ZNF704: variants seen among roughly 807,000 people sequenced by gnomAD.
ZNF704 encodes the protein glucocorticoid induced gene 1.
ZNF704 carries 10 observed loss-of-function variants against 44.7 expected under a neutral mutation model. The observed-to-expected ratio is 0.22, with a 90% CI of 0.14 to 0.38. The LOEUF (loss-of-function observed/expected upper bound fraction) is 0.38, where lower values mean the gene tolerates loss of function less well. ZNF704 is among the 10% of genes least tolerant of loss of function. The pLI is 1.00. For synonymous variants in ZNF704, 211 were observed against 207.6 expected (o/e 1.02, Z -0.14); for missense variants, 390 against 545.5 (o/e 0.71, Z 2.84).
At chr8:80,812,414 AAACTTAG>A (rs1392076881) in intron 2 of ZNF704, 1 of 159,472 alleles carries the variant, frequency 6.3e-6, no homozygotes, top group Non-Finnish European at 1.4e-5. Flanking sequence ...TTTTAGGGTG[AAACTTAG>A]AACGGAACAG....
intron 2 of ZNF704, among the ~76,000 whole-genome samples, chr8:80,811,299 A>T (rs1421115527): frequency 6.6e-6 from 1 of 152,224 alleles, no homozygotes; most frequent in African/African-American, 2.4e-5. Context: ...CATTGGGTTA[A>T]ATAATATGAG....
chr8:80,837,909 CT>C (rs1353523717), intron 1 of ZNF704, among the ~76,000 whole-genome samples: 4 of 152,150 alleles, frequency 2.6e-5, no homozygotes, highest in Admixed American at 1.3e-4. Flanking sequence ...GAACATCTAT[CT>C]TTGACTTTTC....
intron 1 of ZNF704, among the ~76,000 whole-genome samples, chr8:80,863,460 G>T (rs191667091): frequency 4.5e-4 from 69 of 152,030 alleles, no homozygotes; most frequent in African/African-American, 1.6e-3. Flanking sequence ...AAACTCTGCC[G>T]GTCTCCAAAT....
At chr8:80,767,274 AAC>A (rs1465327322) in intron 2 of ZNF704, among the ~76,000 whole-genome samples, 5 of 152,092 alleles carry the variant, frequency 3.3e-5, no homozygotes, top group African/African-American at 9.7e-5. Context: ...ATCTTATAAT[AAC>A]AGTTTATTTG....
At chr8:80,851,189 A>G (rs961892533) in intron 1 of ZNF704, among the ~76,000 whole-genome samples, 2 of 152,158 alleles carry the variant, frequency 1.3e-5, no homozygotes, top group Admixed American at 6.5e-5. Context: ...TAGAACTAGA[A>G]ATACCATTTG....
At chr8:80,669,060 G>C (rs1818238914) in intron 5 of ZNF704, among the ~76,000 whole-genome samples, 1 of 152,158 alleles carries the variant, frequency 6.6e-6, no homozygotes, top group African/African-American at 2.4e-5. Context: ...CCCACTGTGA[G>C]AGCACCCCAG....
At position 80,636,046 on chromosome 8, in the gene ZNF704, T is replaced by C. The variant is rs1817659173; in HGVS notation, c.*5320A>G. 1 of 152,198 alleles carries C rather than the reference T, an allele frequency of 6.6e-6. No individual in the cohort carries two copies. Among genetic ancestry groups the C allele is most frequent in the East Asian group, 1.9e-4 (1 of 5,202 alleles). The allele number at this position is 152,198 out of a possible 1,614,324, so 9.4% of individuals were successfully genotyped here. A position where few individuals can be genotyped will look rare whatever the true frequency, so the allele number is the denominator to read the frequency against. ...CACAAAATGTCTGCGTTCTTTGTGA[T>C]TACAAAACACTGCATCTTGTAAAAT... On this transcript the variant is annotated 3_prime_UTR_variant, in exon 9 of 9. Transcript: ENST00000327835.
chr8:80,841,260 C>A (rs1204098801), intron 1 of ZNF704, among the ~76,000 whole-genome samples: 1 of 152,220 alleles, frequency 6.6e-6, no homozygotes, highest in Non-Finnish European at 1.5e-5. Context: ...TTGGAAGAAA[C>A]CAAGTCACAC....
At chr8:80,790,485 TAC>T (rs1202298812) in intron 2 of ZNF704, among the ~76,000 whole-genome samples, 3 of 152,104 alleles carry the variant, frequency 2.0e-5, no homozygotes, top group Non-Finnish European at 4.4e-5. Flanking sequence ...CCTATGTAAA[TAC>T]ACACACACAT....
At chr8:80,769,476 TTGC>T (rs1807282942) in intron 2 of ZNF704, among the ~76,000 whole-genome samples, 1 of 152,080 alleles carries the variant, frequency 6.6e-6, no homozygotes, top group African/African-American at 2.4e-5. Flanking sequence ...CTTGAATGCT[TTGC>T]TGCTTAGAAA....
intron 7 of ZNF704, among the ~76,000 whole-genome samples, chr8:80,654,013 C>T (rs1817966919): frequency 6.6e-6 from 1 of 151,906 alleles, no homozygotes. Flanking sequence ...TGGAACAGAA[C>T]GGAGCCCTCA....
At chr8:80,760,605 G>A (rs534721668) in intron 2 of ZNF704, among the ~76,000 whole-genome samples, 3 of 143,964 alleles carry the variant, frequency 2.1e-5, no homozygotes, top group Non-Finnish European at 3.0e-5. Context: ...GCAGTGAGCC[G>A]AGATTGTGTC....
intron 1 of ZNF704, among the ~76,000 whole-genome samples, chr8:80,851,932 AG>A (rs146376794): frequency 0.027 from 4,070 of 152,178 alleles, 179 homozygotes; most frequent in African/African-American, 0.09. Context: ...CAGCTCATCC[AG>A]GCATGACCTC....
intron 2 of ZNF704, among the ~76,000 whole-genome samples, chr8:80,716,748 C>T (rs760346193): frequency 6.6e-5 from 10 of 152,176 alleles, no homozygotes; most frequent in Non-Finnish European, 1.5e-4. Context: ...TGGGATTGCA[C>T]GTCTGTTCCT....
intron 2 of ZNF704, among the ~76,000 whole-genome samples, chr8:80,750,031 TG>T (rs1220394466): frequency 6.6e-6 from 1 of 152,160 alleles, no homozygotes; most frequent in Non-Finnish European, 1.5e-5. Flanking sequence ...TCCTGTGTCC[TG>T]GAAGCTTCTA....
chr8:80,727,903 G>A (rs1348219677), intron 2 of ZNF704, among the ~76,000 whole-genome samples: 1 of 152,130 alleles, frequency 6.6e-6, no homozygotes, highest in Non-Finnish European at 1.5e-5. Flanking sequence ...TCCTGAGCAA[G>A]AGGAAAGCAG....
At chr8:80,757,382 T>G (rs1024508065) in intron 2 of ZNF704, among the ~76,000 whole-genome samples, 1 of 152,008 alleles carries the variant, frequency 6.6e-6, no homozygotes, top group Non-Finnish European at 1.5e-5. Context: ...AATAAGGACG[T>G]AAAGAAAATA....
At chr8:80,704,479 C>T (rs995624577) in intron 2 of ZNF704, among the ~76,000 whole-genome samples, 2 of 152,184 alleles carry the variant, frequency 1.3e-5, no homozygotes, top group East Asian at 1.9e-4. Flanking sequence ...TGTATGCTAA[C>T]GAGATGACTG....
intron 8 of ZNF704, among the ~76,000 whole-genome samples, chr8:80,642,085 T>C (rs1441372670): frequency 6.6e-6 from 1 of 152,196 alleles, no homozygotes; most frequent in Non-Finnish European, 1.5e-5. Context: ...TCTCAATTTC[T>C]AGTACAGCAG....
Sources: allele counts gnomAD v4.1 joint callset (sites outside exome capture counted in the v4.1 genomes callset), GRCh38; gene constraint gnomAD v4.1.1; transcripts MANE v1.5; gene names NCBI Gene and HGNC (gene_info 2026-07-23, HGNC 2026-07-21).